ARNT2: variants seen among roughly 807,000 people sequenced by gnomAD.
The protein encoded by ARNT2 is ARNT protein 2.
ARNT2 carries 36 observed loss-of-function variants against 91.7 expected under a neutral mutation model. The ratio of observed to expected loss-of-function variants is 0.39; its 90% CI spans 0.30 to 0.52. ARNT2 has a LOEUF of 0.52. Among genes scored for constraint, ARNT2 ranks in the 20% least tolerant of loss-of-function variants. The pLI is 0.72. For missense variants in ARNT2, 775 were observed against 939.3 expected (o/e 0.83, Z 2.29); for synonymous variants, 365 against 347.1 (o/e 1.05, Z -0.57).
chr15:80,542,657 T>C (rs563831598), intron 8 of ARNT2, among the ~76,000 whole-genome samples: 17 of 152,312 alleles, frequency 1.1e-4, no homozygotes, highest in African/African-American at 2.2e-4. Flanking sequence ...AAGTTCTTCA[T>C]TGATGCTCAT....
At chr15:80,592,604 G>C (rs1448727287) in intron 18 of ARNT2, among the ~76,000 whole-genome samples, 1 of 152,236 alleles carries the variant, frequency 6.6e-6, no homozygotes, top group Non-Finnish European at 1.5e-5. Context: ...GGGGTCAGCT[G>C]TGTCTTCACA....
chr15:80,583,551 T>C (rs926070322), intron 17 of ARNT2, among the ~76,000 whole-genome samples: 3 of 152,224 alleles, frequency 2.0e-5, no homozygotes, highest in Admixed American at 1.3e-4. Flanking sequence ...CAGATGATAA[T>C]AATAGTAATG....
chr15:80,552,384 C>T (rs938811988), intron 9 of ARNT2, among the ~76,000 whole-genome samples: 4 of 152,112 alleles, frequency 2.6e-5, no homozygotes, highest in Non-Finnish European at 4.4e-5. Flanking sequence ...TCACAAATGC[C>T]CTGTGAGATT....
chr15:80,461,712 G>C (rs1896556139), intron 3 of ARNT2, among the ~76,000 whole-genome samples: 1 of 152,102 alleles, frequency 6.6e-6, no homozygotes, highest in Admixed American at 6.5e-5. Flanking sequence ...TGGTGATGAT[G>C]ATGCAGAGCC....
rs1896783868 is a variant in ARNT2 at position 80,475,233 on chromosome 15, G to A, written c.622+10G>A. On this transcript the variant is annotated intron_variant, in intron 5 of 18. Transcript: ENST00000303329. ...GAAAACTCAATGACAGGTCAGTGGAGCTCCCTTTATGAGGCTGTTTGACTC... is the reference window on the plus strand; with the variant it reads ...GAAAACTCAATGACAGGTCAGTGGAACTCCCTTTATGAGGCTGTTTGACTC... The A allele has an allele frequency of 4.3e-6, 7 of 1,613,450 alleles. No individual in the cohort carries two copies. Among genetic ancestry groups the A allele is most frequent in the Admixed American group, 1.7e-5 (1 of 59,996 alleles).
At chr15:80,483,578 C>T (rs888044365) in intron 5 of ARNT2, among the ~76,000 whole-genome samples, 2 of 152,134 alleles carry the variant, frequency 1.3e-5, no homozygotes, top group African/African-American at 2.4e-5. Context: ...GGAACCTCAC[C>T]GCACAAGCCC....
chr15:80,418,748 T>G (rs1895820983), intron 1 of ARNT2, among the ~76,000 whole-genome samples: 1 of 152,232 alleles, frequency 6.6e-6, no homozygotes, highest in Non-Finnish European at 1.5e-5. Flanking sequence ...TGGCTCCTTG[T>G]ACCTCCTTAC....
In ARNT2 at chr15:80,597,852, T is replaced by C. The variant is rs558698617; in HGVS notation, c.*4154T>C. 6.5e-6 allele frequency: 1 copy of C among 152,942 alleles called. No homozygotes were observed. The highest frequency in any genetic ancestry group is 2.4e-5 in the African/African-American group (1 of 41,606). The allele number at this position is 152,942 out of a possible 1,614,324, so 9.5% of individuals were successfully genotyped here. A position where few individuals can be genotyped will look rare whatever the true frequency, so the allele number is the denominator to read the frequency against. On this transcript the variant is annotated 3_prime_UTR_variant, in exon 19 of 19. Transcript: ENST00000303329. The stretch of plus-strand genomic sequence containing the variant: ...GAATGTTCTCTATGACTAACAGTTA[T>C]TAAGTCGGTTGTGTATATGTGTAAC...
intron 1 of ARNT2, among the ~76,000 whole-genome samples, chr15:80,447,923 C>A (rs983976930): frequency 1.3e-5 from 2 of 152,136 alleles, no homozygotes; most frequent in Non-Finnish European, 2.9e-5. Context: ...CTTAAATAAA[C>A]TTTTTAAAGT....
At chr15:80,418,408 T>A (rs374166739) in intron 1 of ARNT2, among the ~76,000 whole-genome samples, 11 of 152,348 alleles carry the variant, frequency 7.2e-5, no homozygotes, top group Admixed American at 5.2e-4. Context: ...GGCTGCTTCC[T>A]CCTGTCCCTG....
intron 5 of ARNT2, among the ~76,000 whole-genome samples, chr15:80,504,850 A>C (rs1443094359): frequency 6.6e-6 from 1 of 150,752 alleles, no homozygotes; most frequent in African/African-American, 2.4e-5. Flanking sequence ...GCCAGGGATG[A>C]GAGAGTGGCA....
rs1893377571 is a variant in ARNT2 at position 80,596,466 on chromosome 15, A to T, written c.*2768A>T. On this transcript the variant is annotated 3_prime_UTR_variant, in exon 19 of 19. Transcript: ENST00000303329. ...CATGCCCCAGGGGTTTTCACCAAGG[A>T]TTTTCAAGACAAACTGGAGTAAGAA... is the stretch of plus-strand genomic sequence containing the variant. The T allele has an allele frequency of 6.6e-6, 1 of 152,092 alleles. No homozygotes were observed. The highest frequency in any genetic ancestry group is 2.4e-5 in the African/African-American group (1 of 41,408). 9.4% of individuals were successfully genotyped at this position (152,092 alleles called of 1,614,324 possible). A position where few individuals can be genotyped will look rare whatever the true frequency, so the allele number is the denominator to read the frequency against.
chr15:80,574,918 G>T, intron 13 of ARNT2, 69 bp from the exon 14 acceptor site: 4 of 1,539,538 alleles, frequency 2.6e-6, no homozygotes, highest in Non-Finnish European at 3.5e-6. Flanking sequence ...AGAGCTGGTG[G>T]CTCCTGGGGA....
chr15:80,586,892 C>A (rs1217760083), intron 17 of ARNT2, among the ~76,000 whole-genome samples: 2 of 149,316 alleles, frequency 1.3e-5, no homozygotes, highest in African/African-American at 5.0e-5. Context: ...GAGTGAGAAA[C>A]GAAAGGCATA....
At chr15:80,515,735 CAAAA>C (rs61034995) in intron 8 of ARNT2, among the ~76,000 whole-genome samples, 1 of 136,140 alleles carries the variant, frequency 7.3e-6, no homozygotes, top group African/African-American at 2.6e-5. Context: ...GTTCCTAAAC[CAAAA>C]AAAAAAAAAA....
rs56180116 is a variant in ARNT2, at chr15:80,527,362, A to G, written c.877+12957A>G. Among the ~76,000 whole-genome samples the G allele has an allele frequency of 5.4e-3, 825 of 152,330 alleles. 5 individuals are homozygous for G. Among genetic ancestry groups the G allele is most frequent in the African/African-American group, 0.019 (801 of 41,574 alleles). ...TGCATGTAGGAGAGAAATGCCATTA[A>G]TTGGGAGTACCAAGACTGGCTTTTC... On this transcript the variant is annotated intron_variant, in intron 8 of 18. Coordinates refer to ENST00000303329, the MANE Select transcript of ARNT2 (RefSeq NM_014862.4).
chr15:80,481,384 G>T (rs1046626731), intron 5 of ARNT2, among the ~76,000 whole-genome samples: 3 of 152,166 alleles, frequency 2.0e-5, no homozygotes, highest in African/African-American at 7.2e-5. Flanking sequence ...ACGTCTGTGG[G>T]ACACTCGGTG....
intron 5 of ARNT2, among the ~76,000 whole-genome samples, chr15:80,490,390 G>A (rs1044625734): frequency 2.0e-5 from 3 of 152,240 alleles, no homozygotes; most frequent in African/African-American, 7.2e-5. Flanking sequence ...AGATGCAGGT[G>A]TGAGCCATCA....
intron 5 of ARNT2, among the ~76,000 whole-genome samples, chr15:80,502,535 A>G (rs1246815791): frequency 6.6e-6 from 1 of 152,202 alleles, no homozygotes; most frequent in Admixed American, 6.5e-5. Context: ...GGTGGATGAC[A>G]TGAGTCTGGA....
Sources: allele counts gnomAD v4.1 joint callset (sites outside exome capture counted in the v4.1 genomes callset), GRCh38; gene constraint gnomAD v4.1.1; transcripts MANE v1.5; gene names NCBI Gene and HGNC (gene_info 2026-07-23, HGNC 2026-07-21).